The following ZNF385D variants were observed in gnomAD, a reference collection of about 807,000 sequenced individuals.
ZNF385D encodes zinc finger protein 385D.
ZNF385D carries 15 observed loss-of-function variants against 35.8 expected under a neutral mutation model. That is an observed-to-expected ratio of 0.42 (90% CI 0.28 to 0.64). The LOEUF is 0.64. ZNF385D is among the 30% of genes least tolerant of loss of function. ZNF385D has a pLI of 0.23. For missense variants in ZNF385D, 474 were observed against 494.6 expected (o/e 0.96, Z 0.39); for synonymous variants, 212 against 186.8 (o/e 1.13, Z -1.10).
At chr3:21,548,084 C>T (rs2062440932) in intron 3 of ZNF385D, among the ~76,000 whole-genome samples, 1 of 152,142 alleles carries the variant, frequency 6.6e-6, no homozygotes, top group South Asian at 2.1e-4. Context: ...GGGAAGCGCT[C>T]TAACAGGGGA....
At chr3:22,137,360 C>T (rs908772956) in intron 3 of ZNF385D, among the ~76,000 whole-genome samples, 2 of 151,924 alleles carry the variant, frequency 1.3e-5, no homozygotes, top group African/African-American at 4.8e-5. Context: ...ATGGCAGAGA[C>T]ACAACAAAAA....
chr3:21,692,209 C>T (rs986967034), intron 1 of ZNF385D, among the ~76,000 whole-genome samples: 1 of 152,108 alleles, frequency 6.6e-6, no homozygotes, highest in Admixed American at 6.6e-5. Context: ...TGGATGAAGA[C>T]CCTGAGGTTT....
intron 2 of ZNF385D, among the ~76,000 whole-genome samples, chr3:22,221,407 A>G (rs1251491181): frequency 1.3e-5 from 2 of 152,126 alleles, no homozygotes; most frequent in Non-Finnish European, 2.9e-5. Context: ...TTTATTTTGA[A>G]GCAAATCCCA....
At chr3:22,363,908 A>T (rs564808245) in intron 2 of ZNF385D, among the ~76,000 whole-genome samples, 91 of 152,262 alleles carry the variant, frequency 6.0e-4, no homozygotes, top group Non-Finnish European at 9.9e-4. Context: ...ACCCCAAAGC[A>T]TGAAGCAGGA....
intron 3 of ZNF385D, among the ~76,000 whole-genome samples, chr3:21,908,174 A>ATG (rs1559743639): frequency 7.9e-6 from 1 of 126,884 alleles, no homozygotes; most frequent in African/African-American, 2.8e-5. Flanking sequence ...ATCTATCTAT[A>ATG]TATGTATAAA....
intron 2 of ZNF385D, among the ~76,000 whole-genome samples, chr3:22,221,079 T>C (rs1698226970): frequency 6.6e-6 from 1 of 152,112 alleles, no homozygotes; most frequent in African/African-American, 2.4e-5. Flanking sequence ...CTAATGCAGT[T>C]ATTTACCATG....
chr3:21,422,936 G>T (rs182829599), intron 7 of ZNF385D, among the ~76,000 whole-genome samples: 37 of 152,198 alleles, frequency 2.4e-4, no homozygotes, highest in African/African-American at 7.9e-4. Flanking sequence ...ACAACACAAG[G>T]TGTCCTCTCT....
intron 3 of ZNF385D, among the ~76,000 whole-genome samples, chr3:21,884,411 A>G (rs1698435010): frequency 6.6e-6 from 1 of 151,926 alleles, no homozygotes; most frequent in African/African-American, 2.4e-5. Flanking sequence ...TCCAATATTT[A>G]TCCCCTAGAA....
At chr3:21,972,327 G>C (rs1325715036) in intron 3 of ZNF385D, among the ~76,000 whole-genome samples, 1 of 151,948 alleles carries the variant, frequency 6.6e-6, no homozygotes, top group Non-Finnish European at 1.5e-5. Flanking sequence ...ATATGGTCCT[G>C]AATGACCAGT....
chr3:21,814,578 G>C (rs904509643), intron 3 of ZNF385D, among the ~76,000 whole-genome samples: 5 of 152,118 alleles, frequency 3.3e-5, no homozygotes, highest in African/African-American at 1.2e-4. Context: ...GATCAAAAGA[G>C]ACAAAGAAGG....
chr3:21,841,062 T>C (rs1442054075), intron 3 of ZNF385D, among the ~76,000 whole-genome samples: 1 of 151,986 alleles, frequency 6.6e-6, no homozygotes, highest in Non-Finnish European at 1.5e-5. Context: ...GGTAAGAGAC[T>C]GTTAGCAAGT....
At chr3:21,816,723 T>G (rs1575706180) in intron 3 of ZNF385D, among the ~76,000 whole-genome samples, 1 of 152,210 alleles carries the variant, frequency 6.6e-6, no homozygotes, top group Middle Eastern at 3.4e-3. Context: ...TGCTCATAGA[T>G]AGGAAGAATC....
intron 3 of ZNF385D, among the ~76,000 whole-genome samples, chr3:21,941,609 T>G (rs1701524937): frequency 6.7e-6 from 1 of 148,678 alleles, no homozygotes; most frequent in Non-Finnish European, 1.5e-5. Context: ...GCCATTCTCC[T>G]GCCTCAGCCT....
At chr3:21,849,278 T>A (rs1575771661) in intron 3 of ZNF385D, among the ~76,000 whole-genome samples, 1 of 99,666 alleles carries the variant, frequency 1.0e-5, no homozygotes, top group East Asian at 3.8e-4. Context: ...TAGTGCCACT[T>A]CTTATATGGT....
intron 3 of ZNF385D, among the ~76,000 whole-genome samples, chr3:21,950,673 GT>G (rs1702021834): frequency 6.6e-6 from 1 of 151,642 alleles, no homozygotes. Context: ...GGTTTTTATG[GT>G]TTTAGGTCTT....
intron 3 of ZNF385D, among the ~76,000 whole-genome samples, chr3:21,995,455 GCA>G (rs764669086): frequency 3.9e-5 from 6 of 152,064 alleles, no homozygotes; most frequent in Non-Finnish European, 7.4e-5. Context: ...TTGGGCACTG[GCA>G]GGCTGAGCTG....
chr3:21,895,889 T>C lies in ZNF385D; in HGVS notation c.326-230861A>G, dbSNP rs141969607. On this transcript the variant is annotated intron_variant, in intron 3 of 5. Transcript: ENST00000494108. ...AGGAAAAAGAGTCTATGAAGTCTCC[T>C]AGAAGTTTGATTTACATTAAAATCA... Among the ~76,000 whole-genome samples the C allele has an allele frequency of 3.3e-5, 5 of 152,266 alleles. No individual in the cohort carries two copies. The East Asian group carries it at 9.7e-4, about 29-fold the overall frequency.
At chr3:21,471,258 CTCTCTCTCTCTCTCTT>C (rs1286372627) in intron 4 of ZNF385D, among the ~76,000 whole-genome samples, 13 of 117,592 alleles carry the variant, frequency 1.1e-4, no homozygotes, top group South Asian at 3.4e-4. Context: ...CTCCCTTTCT[CTCTCTCTCTCTCTCTT>C]TCTCTCTCTC....
chr3:22,224,783 A>C (rs1477722831), intron 2 of ZNF385D, among the ~76,000 whole-genome samples: 1 of 152,164 alleles, frequency 6.6e-6, no homozygotes, highest in Non-Finnish European at 1.5e-5. Flanking sequence ...CCTGCCCCTA[A>C]GTTGGTCCAA....
Sources: allele counts gnomAD v4.1 joint callset (sites outside exome capture counted in the v4.1 genomes callset), GRCh38; gene constraint gnomAD v4.1.1; transcripts MANE v1.5; gene names NCBI Gene and HGNC (gene_info 2026-07-23, HGNC 2026-07-21).